LRRC4C: variants seen among roughly 807,000 people sequenced by gnomAD.
LRRC4C encodes the protein leucine-rich repeat-containing protein 4C.
Under a neutral mutation model 33.6 loss-of-function variants are expected in LRRC4C, and 5 were observed. The observed-to-expected ratio is 0.15, with a 90% CI of 0.08 to 0.31. The LOEUF (loss-of-function observed/expected upper bound fraction) is 0.31, where lower values mean the gene tolerates loss of function less well. LRRC4C is among the 10% of genes least tolerant of loss of function. The probability of loss-of-function intolerance (pLI) is 1.00; values close to 1 mark genes in which losing one functional copy is unlikely to be tolerated. For missense variants in LRRC4C, 560 were observed against 796.7 expected (o/e 0.70, Z 3.58); for synonymous variants, 329 against 302.0 (o/e 1.09, Z -0.93).
chr11:40,526,532 A>G (rs1956058268), intron 3 of LRRC4C, among the ~76,000 whole-genome samples: 1 of 152,186 alleles, frequency 6.6e-6, no homozygotes, highest in Admixed American at 6.5e-5. Context: ...ATGTGTTATT[A>G]CTGCAGAGCC....
chr11:41,316,173 T>G (rs1466457748), intron 1 of LRRC4C, among the ~76,000 whole-genome samples: 1 of 149,164 alleles, frequency 6.7e-6, no homozygotes, highest in Non-Finnish European at 1.5e-5. Flanking sequence ...ACAATGAGAA[T>G]GATGTGCTCT....
chr11:40,292,653 T>TTG (rs796927030), intron 4 of LRRC4C: 1 of 93,616 alleles, frequency 1.1e-5, no homozygotes, highest in Non-Finnish European at 2.2e-5. Flanking sequence ...TCCTTTTTTT[T>TTG]GGGGGGGGGG....
intron 1 of LRRC4C, among the ~76,000 whole-genome samples, chr11:41,277,225 C>T (rs542295992): frequency 1.3e-5 from 2 of 152,118 alleles, no homozygotes; most frequent in Non-Finnish European, 2.9e-5. Context: ...TGAATGCTAA[C>T]ATGGCAAATA....
chr11:41,418,358 G>A (rs985057880), intron 1 of LRRC4C, among the ~76,000 whole-genome samples: 2 of 151,920 alleles, frequency 1.3e-5, no homozygotes, highest in African/African-American at 4.8e-5. Flanking sequence ...GTGCACTATA[G>A]AAGCAAGTAT....
At chr11:40,912,489 C>T (rs887815230) in intron 2 of LRRC4C, among the ~76,000 whole-genome samples, 3 of 152,132 alleles carry the variant, frequency 2.0e-5, no homozygotes, top group Non-Finnish European at 4.4e-5. Context: ...TACAGACAAG[C>T]AAATGCTGAG....
chr11:41,432,799 C>T (rs1955286211), intron 1 of LRRC4C, among the ~76,000 whole-genome samples: 1 of 152,024 alleles, frequency 6.6e-6, no homozygotes, highest in African/African-American at 2.4e-5. Flanking sequence ...TCAGGGCTGG[C>T]ATCATTTTTC....
chr11:40,152,599 G>A (rs1479564897), intron 5 of LRRC4C, among the ~76,000 whole-genome samples: 4 of 152,164 alleles, frequency 2.6e-5, no homozygotes, highest in Non-Finnish European at 2.9e-5. Flanking sequence ...GGGCTGTTGT[G>A]GGGCACAGTG....
intron 1 of LRRC4C, among the ~76,000 whole-genome samples, chr11:41,262,350 T>C (rs766551941): frequency 4.6e-5 from 7 of 150,560 alleles, no homozygotes; most frequent in Non-Finnish European, 7.4e-5. Context: ...TGTGGCACTA[T>C]AGAGAAAAAG....
At chr11:40,343,396 A>T (rs1946963688) in intron 3 of LRRC4C, among the ~76,000 whole-genome samples, 1 of 152,118 alleles carries the variant, frequency 6.6e-6, no homozygotes, top group South Asian at 2.1e-4. Flanking sequence ...GTAAATATGC[A>T]GGATTGTTTT....
chr11:40,382,918 C>T lies in LRRC4C; in HGVS notation c.-269-63197G>A, dbSNP rs140441533. On this transcript the variant is annotated intron_variant, in intron 3 of 6. Transcript: ENST00000528697. Reference sequence around the variant, plus strand: ...CCGTGTTAGCCAGGATGGTGTCGATCTCCTGACCTCGTGATCCGCCTGCCT... The same window carrying T: ...CCGTGTTAGCCAGGATGGTGTCGATTTCCTGACCTCGTGATCCGCCTGCCT... 9.2e-3 allele frequency among the ~76,000 whole-genome samples: 1,403 copies of T among 152,062 alleles called. 18 individuals are homozygous for T. Among genetic ancestry groups the T allele is most frequent in the African/African-American group, 0.033 (1,353 of 41,484 alleles).
intron 2 of LRRC4C, among the ~76,000 whole-genome samples, chr11:40,780,588 G>T (rs1442018251): frequency 6.6e-6 from 1 of 151,850 alleles, no homozygotes; most frequent in Non-Finnish European, 1.5e-5. Context: ...CATAGAGGAG[G>T]GTGTTTGACC....
chr11:40,530,572 CATT>C (rs561424799), intron 3 of LRRC4C, among the ~76,000 whole-genome samples: 5 of 152,102 alleles, frequency 3.3e-5, no homozygotes, highest in Non-Finnish European at 5.9e-5. Context: ...TAACTATAGA[CATT>C]ATTATTGTTC....
chr11:40,720,331 A>G (rs1946950549), intron 2 of LRRC4C, among the ~76,000 whole-genome samples: 1 of 152,184 alleles, frequency 6.6e-6, no homozygotes, highest in Admixed American at 6.5e-5. Flanking sequence ...AACTGTCAGA[A>G]AAGACTGGAT....
chr11:41,188,723 G>A (rs974056434), intron 1 of LRRC4C, among the ~76,000 whole-genome samples: 50 of 141,960 alleles, frequency 3.5e-4, no homozygotes, highest in African/African-American at 1.3e-3. Context: ...AAAAAAAAAA[G>A]AGTATAATGC....
chr11:41,239,321 C>CAAAAAAAAAAAAAAAAAAA, intron 1 of LRRC4C, among the ~76,000 whole-genome samples: 1 of 55,168 alleles, frequency 1.8e-5, no homozygotes, highest in Non-Finnish European at 3.0e-5. Flanking sequence ...GACTCTGTCT[C>CAAAAAAAAAAAAAAAAAAA]AAAAAAAAAA....
chr11:41,010,727 G>A (rs1855109209), intron 1 of LRRC4C, among the ~76,000 whole-genome samples: 1 of 152,302 alleles, frequency 6.6e-6, no homozygotes, highest in Middle Eastern at 3.4e-3. Context: ...ACTTCCTTAA[G>A]AGTTGAGTCC....
intron 2 of LRRC4C, among the ~76,000 whole-genome samples, chr11:40,722,546 C>A (rs1233886251): frequency 1.3e-5 from 2 of 152,168 alleles, no homozygotes; most frequent in African/African-American, 4.8e-5. Context: ...CCTTACACAA[C>A]ATACACTGCA....
intron 3 of LRRC4C, among the ~76,000 whole-genome samples, chr11:40,330,512 T>C (rs571464716): frequency 6.6e-6 from 1 of 152,216 alleles, no homozygotes; most frequent in East Asian, 1.9e-4. Flanking sequence ...CACGATGCTA[T>C]GAAGAAATAC....
At chr11:41,290,710 T>G (rs1313723136) in intron 1 of LRRC4C, among the ~76,000 whole-genome samples, 2 of 152,182 alleles carry the variant, frequency 1.3e-5, no homozygotes, top group Admixed American at 6.5e-5. Flanking sequence ...CATTCTACCC[T>G]ATTAGATTCC....
Sources: allele counts gnomAD v4.1 joint callset (sites outside exome capture counted in the v4.1 genomes callset), GRCh38; gene constraint gnomAD v4.1.1; transcripts MANE v1.5; gene names NCBI Gene and HGNC (gene_info 2026-07-23, HGNC 2026-07-21).